Variants in TEX11 observed in about 807,000 individuals in gnomAD.
TEX11 encodes the protein testis expressed 11.
In TEX11, 7 loss-of-function variants were observed where a neutral mutation model predicts 84.4. The ratio of observed to expected loss-of-function variants is 0.08; its 90% confidence interval spans 0.05 to 0.16. The LOEUF (loss-of-function observed/expected upper bound fraction) is 0.16, where lower values mean the gene tolerates loss of function less well. Among genes scored for constraint, TEX11 ranks in the 10% least tolerant of loss-of-function variants. TEX11 has a pLI of 1.00. For synonymous variants in TEX11, 264 were observed against 222.8 expected (o/e 1.18, Z -1.64); for missense variants, 551 against 660.5 (o/e 0.83, Z 1.82).
chrX:70,749,894 G>C (rs1485366535), intron 9 of TEX11, among the ~76,000 whole-genome samples: 1 of 110,145 alleles, frequency 9.1e-6, no homozygotes, highest in Non-Finnish European at 1.9e-5. Context: ...TTTTTTTGTT[G>C]TGTCTCTGCC....
rs146843703 is a variant in TEX11 at position 70,893,617 on chromosome X, A to T, written c.38-13508T>A. Among the ~76,000 whole-genome samples the T allele has an allele frequency of 7.7e-4, 86 of 112,005 alleles. 2 individuals are homozygous for T. In the East Asian group the frequency reaches 0.024, roughly 31 times the overall value. On this transcript the variant is annotated intron_variant, in intron 2 of 29. Transcript: ENST00000374333. ...TTATAGTACTAAGTGCCCACATCGGAAAGCTGGATAGATCTGAAATTGACA... is the reference window on the plus strand; with the variant it reads ...TTATAGTACTAAGTGCCCACATCGGTAAGCTGGATAGATCTGAAATTGACA...
chrX:70,820,357 G>C (rs1308750535), intron 8 of TEX11, among the ~76,000 whole-genome samples: 1 of 112,206 alleles, frequency 8.9e-6, no homozygotes, highest in Non-Finnish European at 1.9e-5. Context: ...ATATCAACAT[G>C]CAAAATAATG....
In TEX11 at chrX:70,683,756, T is replaced by C. The variant is rs1269928817; in HGVS notation, c.1005-931A>G. 2.7e-5 allele frequency among the ~76,000 whole-genome samples: 3 copies of C among 112,351 alleles called. No individual in the cohort carries two copies. In the East Asian group the frequency reaches 8.3e-4, roughly 31 times the overall value. ...AAACAAAGAGCAAAATTAGAGGATT[T>C]GTACTTTCTGATTTCAAAACTTATT... On this transcript the variant is annotated intron_variant, in intron 13 of 29. Transcript: ENST00000374333.
intron 7 of TEX11, among the ~76,000 whole-genome samples, chrX:70,844,669 C>T (rs1014171711): frequency 1.8e-5 from 2 of 111,521 alleles, no homozygotes; most frequent in African/African-American, 3.3e-5. Flanking sequence ...CCTGTAGTCC[C>T]AGCACTTTGG....
At chrX:70,636,559 G>T (rs982841203) in intron 17 of TEX11, among the ~76,000 whole-genome samples, 1 of 112,153 alleles carries the variant, frequency 8.9e-6, no homozygotes, top group African/African-American at 3.2e-5. Flanking sequence ...AACCCCTACA[G>T]ACTCAGGCTC....
At chrX:70,839,678 A>T (rs5936595) in intron 7 of TEX11, among the ~76,000 whole-genome samples, 27,018 of 110,980 alleles carry the variant, frequency 0.24, 3,116 homozygotes, top group East Asian at 0.42. Context: ...GGCTTCAGGC[A>T]ATCAAACTAC....
chrX:70,624,257 A>G (rs748558075), intron 19 of TEX11, among the ~76,000 whole-genome samples: 16 of 112,277 alleles, frequency 1.4e-4, no homozygotes, highest in Non-Finnish European at 2.4e-4. Context: ...CGTTGCTTAT[A>G]ACAAATTCTT....
intron 8 of TEX11, among the ~76,000 whole-genome samples, chrX:70,819,295 C>T (rs1234773618): frequency 1.8e-5 from 2 of 111,834 alleles, no homozygotes; most frequent in Non-Finnish European, 3.8e-5. Context: ...ACGTGAAAAT[C>T]AATGTGATAT....
intron 8 of TEX11, among the ~76,000 whole-genome samples, chrX:70,823,733 G>A (rs1192849612): frequency 1.8e-5 from 2 of 111,026 alleles, no homozygotes; most frequent in East Asian, 2.8e-4. Flanking sequence ...TAGACCGGGT[G>A]CAGTGGCTCA....
chrX:70,568,653 C>T (rs1181520205), intron 25 of TEX11, among the ~76,000 whole-genome samples: 1 of 110,773 alleles, frequency 9.0e-6, no homozygotes, highest in Non-Finnish European at 1.9e-5. Flanking sequence ...TTTATTTCTC[C>T]TTCACTTATG....
intron 9 of TEX11, among the ~76,000 whole-genome samples, chrX:70,769,507 T>C (rs771516524): frequency 2.7e-5 from 3 of 112,096 alleles, no homozygotes; most frequent in Non-Finnish European, 5.6e-5. Context: ...TGTACAAAGA[T>C]GAGTTAATCT....
intron 25 of TEX11, among the ~76,000 whole-genome samples, chrX:70,574,385 C>T (rs1778602495): frequency 9.0e-6 from 1 of 111,463 alleles, no homozygotes; most frequent in East Asian, 2.8e-4. Flanking sequence ...CTTAAATTTC[C>T]TTTTTCACCC....
chrX:70,805,665 T>A (rs756914523), intron 9 of TEX11, among the ~76,000 whole-genome samples: 6 of 112,276 alleles, frequency 5.3e-5, no homozygotes, highest in African/African-American at 1.9e-4. Flanking sequence ...CCTCCCAAAG[T>A]GCTGGGATTA....
intron 28 of TEX11, among the ~76,000 whole-genome samples, chrX:70,534,846 A>G (rs2087935955): frequency 8.9e-6 from 1 of 112,144 alleles, no homozygotes; most frequent in East Asian, 2.8e-4. Context: ...CAGTATTCAC[A>G]GAGTTCTGCC....
rs5936567 is a variant in TEX11, at chrX:70,550,411, A to C, written c.2520+1715T>G. Among the ~76,000 whole-genome samples the C allele has an allele frequency of 6.3e-3, 702 of 111,850 alleles. 3 individuals carry two copies. Among genetic ancestry groups the C allele is most frequent in the Non-Finnish European group, 9.6e-3 (509 of 53,156 alleles). On this transcript the variant is annotated intron_variant, in intron 28 of 29. Coordinates refer to ENST00000374333, the MANE Select transcript of TEX11 (RefSeq NM_031276.3). ...GGACAAATGGGATCACATCAAGCTAAAAAGCTTCTGCACAGCAAAGGAAAC... is the reference window on the plus strand; with the variant it reads ...GGACAAATGGGATCACATCAAGCTACAAAGCTTCTGCACAGCAAAGGAAAC...
At chrX:70,765,539 T>C (rs1243391575) in intron 9 of TEX11, among the ~76,000 whole-genome samples, 1 of 112,207 alleles carries the variant, frequency 8.9e-6, no homozygotes, top group Non-Finnish European at 1.9e-5. Flanking sequence ...AAAAACCATA[T>C]GATCATTTCA....
intron 11 of TEX11, among the ~76,000 whole-genome samples, chrX:70,733,709 C>G (rs2090673155): frequency 9.0e-6 from 1 of 111,720 alleles, no homozygotes; most frequent in Non-Finnish European, 1.9e-5. Context: ...ACTGGTCGGA[C>G]TGTAAACTAG....
intron 13 of TEX11, among the ~76,000 whole-genome samples, chrX:70,691,794 CT>C (rs1456923642): frequency 9.2e-6 from 1 of 108,942 alleles, no homozygotes; most frequent in Non-Finnish European, 1.9e-5. Flanking sequence ...TTGAAATTTG[CT>C]AAGAACAGAT....
At chrX:70,622,279 G>C (rs1051168864) in intron 20 of TEX11, among the ~76,000 whole-genome samples, 2 of 112,180 alleles carry the variant, frequency 1.8e-5, no homozygotes, top group Non-Finnish European at 3.8e-5. Context: ...TGTTAAATCA[G>C]GTTCTAACCT....
Sources: allele counts gnomAD v4.1 joint callset (sites outside exome capture counted in the v4.1 genomes callset), GRCh38; gene constraint gnomAD v4.1.1; transcripts MANE v1.5; gene names NCBI Gene and HGNC (gene_info 2026-07-23, HGNC 2026-07-21).